GPATCH2L: variants seen among roughly 807,000 people sequenced by gnomAD.
GPATCH2L encodes the protein G patch domain-containing protein 2-like.
Under a neutral mutation model 57.4 loss-of-function variants are expected in GPATCH2L, and 31 were observed. The ratio of observed to expected loss-of-function variants is 0.54; its 90% CI spans 0.41 to 0.73. The LOEUF (loss-of-function observed/expected upper bound fraction) is 0.73, where lower values mean the gene tolerates loss of function less well. Ranked by LOEUF, GPATCH2L falls within the 30% of genes least tolerant of loss-of-function variation. GPATCH2L has a pLI of 0.00. For synonymous variants in GPATCH2L, 199 were observed against 210.7 expected (o/e 0.94, Z 0.48); for missense variants, 481 against 599.9 (o/e 0.80, Z 2.07).
chr14:76,193,108 C>G (rs915337065), intron 8 of GPATCH2L, among the ~76,000 whole-genome samples: 3 of 152,124 alleles, frequency 2.0e-5, no homozygotes, highest in Admixed American at 1.3e-4. Flanking sequence ...GTATAATAAC[C>G]TGTGTGCGTA....
Position 76,154,807 on chromosome 14 carries a change from G to A in GPATCH2L, c.444G>A (p.Lys148=). ...CTGCTAGCCTTCAGCAGAAGCTGAA[G>A]GTGTCAGATTGGAGCTATGAGAGAG... ...EVAASLQQKL[K]VSDWSYERGC... Residue 148 remains lysine (K), a synonymous_variant, in exon 2 of 10, where the codon AAG becomes AAA. Coordinates refer to ENST00000261530, the MANE Select transcript of GPATCH2L (RefSeq NM_017926.4). The surrounding 1 kb of genome is among the most constrained non-coding windows in gnomAD (Gnocchi z 4.4). 2 of 1,614,218 alleles carry A rather than the reference G, an allele frequency of 1.2e-6. No individual in the cohort carries two copies. Among genetic ancestry groups the A allele is most frequent in the South Asian group, 1.1e-5 (1 of 91,080 alleles).
intron 3 of GPATCH2L, 44 bp from the exon 4 acceptor site, chr14:76,171,799 C>T (rs780061146): frequency 8.0e-7 from 1 of 1,247,386 alleles, no homozygotes; most frequent in Admixed American, 2.5e-5. Flanking sequence ...TTTTCTCAGA[C>T]CTTGTTTAAA....
chr14:76,164,951 G>A (rs1267199227), intron 2 of GPATCH2L, among the ~76,000 whole-genome samples: 1 of 152,186 alleles, frequency 6.6e-6, no homozygotes, highest in Non-Finnish European at 1.5e-5. Flanking sequence ...TAGATAGAGA[G>A]ATGTGAAAAA....
chr14:76,176,817 G>T, intron 6 of GPATCH2L, 127 bp downstream of exon 6: 2 of 660,558 alleles, frequency 3.0e-6, no homozygotes, highest in East Asian at 2.6e-5. Context: ...TTTGTACGTT[G>T]TAACAGTTAA....
At chr14:76,175,446 C>T (rs1307948818) in intron 5 of GPATCH2L, 3 of 149,716 alleles carry the variant, frequency 2.0e-5, no homozygotes, top group African/African-American at 7.4e-5. Context: ...TTCACAGCTC[C>T]CTGCCAGTGA....
intron 8 of GPATCH2L, among the ~76,000 whole-genome samples, chr14:76,187,893 C>T (rs181822533): frequency 6.6e-6 from 1 of 152,126 alleles, no homozygotes; most frequent in Non-Finnish European, 1.5e-5. Flanking sequence ...CTCTGGTAAC[C>T]CTCCTTCTAC....
chr14:76,201,746 C>T lies in GPATCH2L; in HGVS notation c.1344C>T (p.Pro448=), dbSNP rs759285408. 2 of 1,613,710 alleles carry T rather than the reference C, an allele frequency of 1.2e-6. No homozygotes were observed. Among genetic ancestry groups the T allele is most frequent in the Admixed American group, 1.7e-5 (1 of 59,982 alleles). ...TTPASQAPKS[P]SSEWLVRTSA... ...CAGCATCACAAGCCCCCAAATCACC[C>T]AGCTCTGAGTGGTTGGTGAGGACCT... The change falls in exon 10 of 10, where the codon CCC becomes CCT. Residue 448 remains proline (P), a synonymous_variant. Coordinates refer to ENST00000261530, the MANE Select transcript of GPATCH2L (RefSeq NM_017926.4).
chr14:76,194,197 G>A (rs779477092), intron 8 of GPATCH2L, among the ~76,000 whole-genome samples: 6 of 152,052 alleles, frequency 3.9e-5, no homozygotes, highest in East Asian at 1.9e-4. Context: ...AAAAGGAAGC[G>A]TTTTCCCTAC....
chr14:76,209,101 C>T lies in GPATCH2L; in HGVS notation c.*7250C>T, dbSNP rs904241459. ...AGCCCATAGGTTGATTTTTATGACA[C>T]TGATGCTATATAACCACTTCCTTCT... On this transcript the variant is annotated 3_prime_UTR_variant, in exon 10 of 10. Coordinates refer to ENST00000261530, the MANE Select transcript of GPATCH2L (RefSeq NM_017926.4). 2.0e-5 allele frequency: 3 copies of T among 152,254 alleles called. No individual in the cohort carries two copies. Among genetic ancestry groups the T allele is most frequent in the African/African-American group, 7.2e-5 (3 of 41,464 alleles). The allele number at this position is 152,254 out of a possible 1,614,324, so 9.4% of individuals were successfully genotyped here. A position where few individuals can be genotyped will look rare whatever the true frequency, so the allele number is the denominator to read the frequency against.
rs1361530655 is a variant in GPATCH2L, at chr14:76,210,230, T to C, written c.*8379T>C. On this transcript the variant is annotated 3_prime_UTR_variant, in exon 10 of 10. Coordinates refer to ENST00000261530, the MANE Select transcript of GPATCH2L (RefSeq NM_017926.4). ...CTTATTCAACAACTCTAAAGGTAGG[T>C]ACTTTTATCTCCATTTTAAAACAAT... The C allele has an allele frequency of 3.9e-5, 6 of 152,210 alleles. No individual in the cohort carries two copies. In the East Asian group the frequency reaches 1.2e-3, roughly 29 times the overall value. 9.4% of individuals were successfully genotyped at this position (152,210 alleles called of 1,614,324 possible).
intron 6 of GPATCH2L, among the ~76,000 whole-genome samples, chr14:76,177,193 A>G (rs866088584): frequency 1.3e-5 from 2 of 152,138 alleles, no homozygotes; most frequent in East Asian, 1.9e-4. Context: ...CTACAGGCGC[A>G]TGCTGCTGCG....
At chr14:76,200,413 T>C (rs2040281480) in intron 9 of GPATCH2L, among the ~76,000 whole-genome samples, 1 of 152,184 alleles carries the variant, frequency 6.6e-6, no homozygotes, top group Non-Finnish European at 1.5e-5. Flanking sequence ...ACCATGTAGG[T>C]ACAGTTTTTT....
intron 2 of GPATCH2L, among the ~76,000 whole-genome samples, chr14:76,165,012 TA>T (rs1180662922): frequency 6.6e-6 from 1 of 152,208 alleles, no homozygotes; most frequent in Non-Finnish European, 1.5e-5. Flanking sequence ...AAGAATTTCC[TA>T]GTAAAATGTT....
chr14:76,220,411 A>G (rs1051276924), intron 1 of GPATCH2L, among the ~76,000 whole-genome samples: 1 of 152,256 alleles, frequency 6.6e-6, no homozygotes, highest in African/African-American at 2.4e-5. Context: ...AAGGACACAA[A>G]GGAACATTTC....
intron 1 of GPATCH2L, among the ~76,000 whole-genome samples, chr14:76,222,589 C>T (rs751332115): frequency 4.1e-5 from 6 of 146,286 alleles, no homozygotes; most frequent in East Asian, 4.1e-4. Flanking sequence ...CCTGGACAAC[C>T]GGAGTGAGAC....
chr14:76,201,446 G>A (rs570182635), intron 9 of GPATCH2L, among the ~76,000 whole-genome samples: 3 of 152,234 alleles, frequency 2.0e-5, no homozygotes, highest in South Asian at 2.1e-4. Context: ...TTATGAATGC[G>A]TGCTACTGAA....
Position 76,211,471 on chromosome 14 carries a change from G to A in GPATCH2L, c.*9620G>A, listed in dbSNP as rs1380595073. ...AGGTTAAACTGAATTGGAAGTAATG[G>A]TGTATTTGGAATCATGGCTGACTGA... is the stretch of plus-strand genomic sequence containing the variant. On this transcript the variant is annotated 3_prime_UTR_variant, in exon 10 of 10. Coordinates refer to ENST00000261530, the MANE Select transcript of GPATCH2L (RefSeq NM_017926.4). 5.3e-5 allele frequency: 8 copies of A among 152,322 alleles called. No individual in the cohort carries two copies. The highest frequency in any genetic ancestry group is 1.2e-4 in the Non-Finnish European group (8 of 68,028). The allele number at this position is 152,322 out of a possible 1,614,324, so 9.4% of individuals were successfully genotyped here. A position where few individuals can be genotyped will look rare whatever the true frequency, so the allele number is the denominator to read the frequency against.
chr14:76,232,097 C>A (rs942637358), intron 2 of GPATCH2L, among the ~76,000 whole-genome samples: 2 of 16,564 alleles, frequency 1.2e-4, no homozygotes, highest in Admixed American at 1.3e-3. Context: ...TTTTTTGTAG[C>A]AACAGGGTCT....
Position 76,201,794 on chromosome 14 carries a change from C to G in GPATCH2L, c.1392C>G (p.Asp464Glu). Residue 464 changes from aspartate to glutamate, a missense_variant, in exon 10 of 10, where the codon GAC becomes GAG. By Grantham distance (45) the Asp-to-Glu change is conservative. Transcript: ENST00000261530. ...VRTSAAEKAT[D>E]ATTATFFKMP... Reference sequence around the variant, plus strand: ...CCTCTGCAGCAGAGAAAGCCACAGACGCAACTACTGCTACATTTTTTAAAA... The same window carrying G: ...CCTCTGCAGCAGAGAAAGCCACAGAGGCAACTACTGCTACATTTTTTAAAA... The G allele has an allele frequency of 6.2e-7, 1 of 1,614,074 alleles. No homozygotes were observed. Among genetic ancestry groups the G allele is most frequent in the Non-Finnish European group, 8.5e-7 (1 of 1,179,928 alleles).
Sources: gnomAD v4.1 joint callset for allele counts (sites outside exome capture counted in the v4.1 genomes callset) on GRCh38, gnomAD v4.1.1 for gene constraint, Gnocchi (gnomAD v3.1) non-coding constraint, MANE v1.5 for transcripts, NCBI Gene and HGNC (gene_info 2026-07-23, HGNC 2026-07-21) for gene names.